Variants in FAM193B observed in about 807,000 individuals in gnomAD.
The protein encoded by FAM193B is family with sequence similarity 193 member B, also known as protein FAM193B.
Under a neutral mutation model 70.7 loss-of-function variants are expected in FAM193B, and 27 were observed. The observed-to-expected ratio is 0.38, with a 90% CI of 0.28 to 0.53. The LOEUF (loss-of-function observed/expected upper bound fraction) is 0.53, where lower values mean the gene tolerates loss of function less well. Among genes scored for constraint, FAM193B ranks in the 20% least tolerant of loss-of-function variants. The probability of loss-of-function intolerance (pLI) is 0.81; values close to 1 mark genes in which losing one functional copy is unlikely to be tolerated. For synonymous variants in FAM193B, 448 were observed against 436.0 expected, an observed-to-expected ratio of 1.03 and a Z score of -0.34; for missense variants, 1,022 against 1,072.5, an observed-to-expected ratio of 0.95 and a Z score of 0.66.
intron 1 of FAM193B, among the ~76,000 whole-genome samples, chr5:177,539,952 T>C (rs965746091): frequency 2.0e-5 from 3 of 152,076 alleles, no homozygotes; most frequent in South Asian, 2.1e-4. Context: ...GCCCATAGCA[T>C]AGGCCCAATA....
intron 5 of FAM193B, chr5:177,531,536 G>GGGGGGGGGGC: frequency 1.9e-6 from 2 of 1,047,038 alleles, no homozygotes; most frequent in Non-Finnish European, 2.6e-6. Context: ...GGGTGGGGGG[G>GGGGGGGGGGC]AGGTGCTGAC....
rs778480788 is a variant in FAM193B at position 177,525,220 on chromosome 5, G to A, written c.1276-15C>T. On this transcript the variant is annotated splice_polypyrimidine_tract_variant and intron_variant, in intron 5 of 8. Coordinates refer to ENST00000514747, the MANE Select transcript of FAM193B (RefSeq NM_001190946.3). ...TTCTCCTTTTCCTGCCAAGGCAAGAGGCAGTTTTAGCAGGAGGCTGTCAAC... is the reference window on the plus strand; with the variant it reads ...TTCTCCTTTTCCTGCCAAGGCAAGAAGCAGTTTTAGCAGGAGGCTGTCAAC... 1.4e-6 allele frequency: 2 copies of A among 1,445,044 alleles called. No individual in the cohort carries two copies. Among genetic ancestry groups the A allele is most frequent in the Non-Finnish European group, 1.8e-6 (2 of 1,094,338 alleles). 89.5% of individuals were successfully genotyped at this position (1,445,044 alleles called of 1,614,324 possible).
intron 4 of FAM193B, among the ~76,000 whole-genome samples, chr5:177,534,053 G>A (rs1763872825): frequency 6.6e-6 from 1 of 152,230 alleles, no homozygotes; most frequent in Non-Finnish European, 1.5e-5. Flanking sequence ...CCATTGGGCT[G>A]GTCCCAACGC....
intron 1 of FAM193B, chr5:177,551,921 G>A (rs1040111161): frequency 9.1e-5 from 51 of 558,972 alleles, no homozygotes; most frequent in Non-Finnish European, 1.1e-4. Context: ...ACAAAAGCCT[G>A]CTTCCAGACC....
chr5:177,542,592 A>T (rs909560168), intron 1 of FAM193B, among the ~76,000 whole-genome samples: 3 of 152,236 alleles, frequency 2.0e-5, no homozygotes, highest in Non-Finnish European at 4.4e-5. Context: ...AGTTCCCAAA[A>T]TAATCTCTGC....
intron 1 of FAM193B, among the ~76,000 whole-genome samples, chr5:177,545,137 A>G (rs1765260272): frequency 6.6e-6 from 1 of 152,100 alleles, no homozygotes; most frequent in South Asian, 2.1e-4. Flanking sequence ...TCCACCTCCC[A>G]TGTTCAAGCG....
In FAM193B at chr5:177,532,442, C is replaced by T. The variant is rs1763624534; in HGVS notation, c.1275+1G>A. On this transcript the variant is annotated splice_donor_variant, in intron 5 of 8. Coordinates refer to ENST00000514747, the MANE Select transcript of FAM193B (RefSeq NM_001190946.3). LOFTEE classifies it high-confidence loss of function. The surrounding 1 kb of genome is among the most constrained non-coding windows in gnomAD (Gnocchi z 4.9). ...TCTCTAGCCTGGGCAGGCTCACTCA[C>T]CGCATTGTGGCCGAAGAACTCACAG... 1 of 1,608,766 alleles carries T rather than the reference C, an allele frequency of 6.2e-7. No individual in the cohort carries two copies.
chr5:177,554,090 A>C (rs1323638347), intron 1 of FAM193B, 159 bp downstream of exon 1: 1 of 1,387,004 alleles, frequency 7.2e-7, no homozygotes, highest in Non-Finnish European at 9.4e-7. Flanking sequence ...TCCAGCCTCC[A>C]TTCCCGCCCC....
intron 1 of FAM193B, among the ~76,000 whole-genome samples, chr5:177,545,592 C>T (rs1218331598): frequency 6.8e-6 from 1 of 147,576 alleles, no homozygotes; most frequent in African/African-American, 2.5e-5. Flanking sequence ...GCCCAAGTGA[C>T]GGAGGTTGCA....
intron 1 of FAM193B, chr5:177,553,983 G>A (rs1462399436): frequency 7.9e-7 from 1 of 1,265,972 alleles, no homozygotes; most frequent in Non-Finnish European, 1.0e-6. Context: ...TCCCAGTGTG[G>A]GTGTACGGCC....
At chr5:177,525,482 G>A (rs1762444817) in intron 5 of FAM193B, 4 of 349,220 alleles carry the variant, frequency 1.1e-5, no homozygotes, top group Non-Finnish European at 2.1e-5. Context: ...GCAAAATGGG[G>A]ACAATAATTC....
chr5:177,545,245 T>C (rs1277930933), intron 1 of FAM193B, among the ~76,000 whole-genome samples: 1 of 152,194 alleles, frequency 6.6e-6, no homozygotes, highest in African/African-American at 2.4e-5. Context: ...GGTTTCACCA[T>C]GTTGGCCATG....
rs766935407 is a variant in FAM193B at position 177,532,468 on chromosome 5, T to G, written c.1250A>C (p.Tyr417Ser). 6.2e-7 allele frequency: 1 copy of G among 1,611,898 alleles called. No individual in the cohort carries two copies. Among genetic ancestry groups the G allele is most frequent in the African/African-American group, 1.3e-5 (1 of 75,034 alleles). ...CGCATTGTGGCCGAAGAACTCACAGTAGCAGCAGTCACAGAACTTCCCATC... is the reference window on the plus strand; with the variant it reads ...CGCATTGTGGCCGAAGAACTCACAGGAGCAGCAGTCACAGAACTTCCCATC... ...QRDGKFCDCC[Y>S]CEFFGHNAEK... The change falls in exon 5 of 9, where the codon TAC (tyrosine) becomes TCC (serine). Residue 417 changes from tyrosine to serine, a missense_variant. Physicochemically the swap from Tyr to Ser is moderately radical, Grantham distance 144 (BLOSUM62 -2). Transcript: ENST00000514747. This position sits in a 1 kb window ranked among gnomAD's most constrained non-coding sequence, Gnocchi z 4.9.
Position 177,538,239 on chromosome 5 carries a change from C to T in FAM193B, c.454-132G>A, listed in dbSNP as rs911618643. ...TGCCATAGCAAAAACACAATTAATA[C>T]AACTCCAGCTATAAGAACAAATGAG... On this transcript the variant is annotated intron_variant, in intron 2 of 8. Coordinates refer to ENST00000514747, the MANE Select transcript of FAM193B (RefSeq NM_001190946.3). This position sits in a 1 kb window ranked among gnomAD's most constrained non-coding sequence, Gnocchi z 4.1. 8.4e-5 allele frequency: 76 copies of T among 908,360 alleles called. No homozygotes were observed. The Admixed American group carries it at 1.1e-3, about 13-fold the overall frequency. 56.3% of individuals were successfully genotyped at this position (908,360 alleles called of 1,614,324 possible).
At chr5:177,553,833 G>T (rs1312689915) in intron 1 of FAM193B, 1 of 1,283,028 alleles carries the variant, frequency 7.8e-7, no homozygotes, top group Non-Finnish European at 1.0e-6. Flanking sequence ...CCGTTCCCGG[G>T]GGCAGAGGGA....
rs530481467 is a variant in FAM193B, at chr5:177,539,820, C to T, written c.211-673G>A. 2.6e-5 allele frequency among the ~76,000 whole-genome samples: 4 copies of T among 152,312 alleles called. No individual in the cohort carries two copies. In the East Asian group the frequency reaches 7.7e-4, roughly 29 times the overall value. On this transcript the variant is annotated intron_variant, in intron 1 of 8. Coordinates refer to ENST00000514747, the MANE Select transcript of FAM193B (RefSeq NM_001190946.3). Reference sequence around the variant, plus strand: ...ATGCATTCTAATTCCTGCCTGAACACATACTGGCTGGGTGACCTTGAGCAA... The same window carrying T: ...ATGCATTCTAATTCCTGCCTGAACATATACTGGCTGGGTGACCTTGAGCAA...
intron 4 of FAM193B, among the ~76,000 whole-genome samples, chr5:177,534,121 T>C (rs568978375): frequency 9.6e-4 from 146 of 152,218 alleles, no homozygotes; most frequent in Non-Finnish European, 1.7e-3. Context: ...CAAGGAGCTG[T>C]GTGGAGGCCC....
intron 5 of FAM193B, chr5:177,531,178 AG>A: frequency 8.7e-7 from 1 of 1,149,382 alleles, no homozygotes; most frequent in Non-Finnish European, 1.1e-6. Flanking sequence ...AGCCAAGCTG[AG>A]GCCTTTGGCA....
chr5:177,534,223 T>G (rs1763895868), intron 4 of FAM193B, among the ~76,000 whole-genome samples: 1 of 152,214 alleles, frequency 6.6e-6, no homozygotes, highest in African/African-American at 2.4e-5. Context: ...GCAGGAATCA[T>G]TATCAGTGGT....
Sources: gnomAD v4.1 joint callset for allele counts (sites outside exome capture counted in the v4.1 genomes callset) on GRCh38, gnomAD v4.1.1 for gene constraint, Gnocchi (gnomAD v3.1) non-coding constraint, MANE v1.5 for transcripts, NCBI Gene and HGNC (gene_info 2026-07-23, HGNC 2026-07-21) for gene names.